The following POLRMT variants were observed in gnomAD, a reference collection of about 807,000 sequenced individuals.
The protein encoded by POLRMT is DNA-directed RNA polymerase, mitochondrial.
POLRMT carries 114 observed loss-of-function variants against 132.2 expected under a neutral mutation model. That is an observed-to-expected ratio of 0.86 (90% CI 0.74 to 1.01). The LOEUF is 1.01. Among genes scored for constraint, POLRMT ranks in the 50% least tolerant of loss-of-function variants. The pLI is 0.00. For synonymous variants in POLRMT, 1,020 were observed against 773.4 expected (o/e 1.32, Z -5.29); for missense variants, 2,003 against 1,729.1 (o/e 1.16, Z -2.81).
chr19:622,867 A>C lies in POLRMT; in HGVS notation c.1409T>G (p.Phe470Cys). ...CTCGCGCTCGTCCAGCAGGCACAGG[A>C]AGGGGTAAAGTGAGAACCGGCCCTC... The part of the protein sequence containing the change: ...VYEGRFSLYP[F>C]LCLLDEREVV... The change falls in exon 7 of 21, where the codon TTC (phenylalanine) becomes TGC (cysteine). Residue 470 changes from phenylalanine (F) to cysteine (C), a missense_variant. Transcript: ENST00000588649. 6.2e-7 allele frequency: 1 copy of C among 1,608,964 alleles called. No individual in the cohort carries two copies. Among genetic ancestry groups the C allele is most frequent in the Non-Finnish European group, 8.5e-7 (1 of 1,178,410 alleles).
chr19:621,919 TGA>T, intron 9 of POLRMT, 73 bp from the exon 10 acceptor site: 2 of 1,524,274 alleles, frequency 1.3e-6, no homozygotes, highest in Non-Finnish European at 8.8e-7. Context: ...TAAACTTGGG[TGA>T]GAGGGGCCGG....
intron 3 of POLRMT, among the ~76,000 whole-genome samples, chr19:627,964 C>T (rs1985144168): frequency 6.6e-6 from 1 of 150,994 alleles, no homozygotes; most frequent in Non-Finnish European, 1.5e-5. Flanking sequence ...AATGCCTTAG[C>T]CTGGCTAACA....
At chr19:620,327 C>T (rs1175099170) in intron 11 of POLRMT, 38 bp downstream of exon 11, 1 of 1,527,140 alleles carries the variant, frequency 6.5e-7, no homozygotes, top group Non-Finnish European at 8.8e-7. Flanking sequence ...GCCCAGTGCA[C>T]ACTGCACGGC....
chr19:625,726 G>A (rs910462671), intron 3 of POLRMT, among the ~76,000 whole-genome samples: 7 of 152,180 alleles, frequency 4.6e-5, no homozygotes, highest in African/African-American at 1.4e-4. Context: ...CCCCAAGATG[G>A]AGTCTTGCTC....
chr19:633,318 C>A, intron 1 of POLRMT, 107 bp downstream of exon 1: 3 of 1,299,238 alleles, frequency 2.3e-6, no homozygotes, highest in East Asian at 3.1e-5. Flanking sequence ...GGGCTGCGCA[C>A]GCCCAGGTGC....
At chr19:631,334 A>G (rs1433685647) in intron 2 of POLRMT, among the ~76,000 whole-genome samples, 1 of 129,256 alleles carries the variant, frequency 7.7e-6, no homozygotes, top group Non-Finnish European at 1.6e-5. Flanking sequence ...TCTCAAAAAA[A>G]AAAAGGGGGG....
chr19:618,635 C>T lies in POLRMT; in HGVS notation c.3324-49G>A, dbSNP rs781621050. ...GGGGGCGGCCCAGGGACACCCCTAA[C>T]TGGCCGCTGTCTCCACCGTGGCTGC... On this transcript the variant is annotated intron_variant, in intron 16 of 20. Transcript: ENST00000588649. The T allele has an allele frequency of 5.6e-6, 9 of 1,600,000 alleles. No homozygotes were observed. In the East Asian group the frequency reaches 2.0e-4, roughly 36 times the overall value.
intron 2 of POLRMT, among the ~76,000 whole-genome samples, chr19:632,533 G>A (rs911086863): frequency 1.1e-3 from 137 of 120,052 alleles, no homozygotes; most frequent in African/African-American, 4.9e-3. Flanking sequence ...TTGGCGGCGG[G>A]GCCGGGGGGG....
At position 622,560 on chromosome 19, in the gene POLRMT, GGA is replaced by G. The variant is rs757739565; in HGVS notation, c.1626+20_1626+21del. On this transcript the variant is annotated intron_variant, in intron 8 of 20. Transcript: ENST00000588649. ...CACCCACCACTGGCCCCAGCCAGGAGGAGAGGGGGTGCGAGCCTCACCTCGGC... is the reference window on the plus strand; with the variant it reads ...CACCCACCACTGGCCCCAGCCAGGAGGAGGGGGTGCGAGCCTCACCTCGGC... 3.2e-6 allele frequency: 5 copies of G among 1,582,990 alleles called. No homozygotes were observed. In the South Asian group the frequency reaches 3.4e-5, roughly 11 times the overall value.
At position 622,817 on chromosome 19, in the gene POLRMT, G is replaced by A. The variant is rs779225806; in HGVS notation, c.1455+4C>T. 1.9e-6 allele frequency: 3 copies of A among 1,587,814 alleles called. No homozygotes were observed. The highest frequency in any genetic ancestry group is 8.6e-7 in the Non-Finnish European group (1 of 1,168,236). On this transcript the variant is annotated splice_donor_region_variant and intron_variant, in intron 7 of 20. Transcript: ENST00000588649. ...GGGACCCGGCCGCGCGGAGGAAGAC[G>A]CACCTGCAGGAGCATCCGCACCACC...
At chr19:618,064 C>G in intron 17 of POLRMT, 1 of 590,828 alleles carries the variant, frequency 1.7e-6, no homozygotes, top group East Asian at 2.8e-5. Context: ...CTCCTCGCCC[C>G]ACCCCTGCCG....
chr19:633,030 G>A (rs764529161), intron 1 of POLRMT, 92 bp from the exon 2 acceptor site: 20 of 874,662 alleles, frequency 2.3e-5, no homozygotes, highest in Non-Finnish European at 3.1e-5. Flanking sequence ...GGGCAAAGGA[G>A]CCCTAAACGC....
chr19:620,545 G>A, intron 10 of POLRMT, 58 bp from the exon 11 acceptor site: 2 of 1,472,576 alleles, frequency 1.4e-6, no homozygotes, highest in South Asian at 1.4e-5. Flanking sequence ...GAGCCCGCTG[G>A]GAGGCTGTGT....
chr19:620,817 G>C (rs936680247), intron 10 of POLRMT, among the ~76,000 whole-genome samples: 1 of 122,138 alleles, frequency 8.2e-6, no homozygotes, highest in Non-Finnish European at 1.8e-5. Context: ...GGGGGCCCTG[G>C]GGCAGGGGAG....
In POLRMT at chr19:619,692, C is replaced by T. The variant is rs1289352818; in HGVS notation, c.2960G>A (p.Arg987His). The T allele has an allele frequency of 1.2e-5, 20 of 1,609,196 alleles. No individual in the cohort carries two copies. Among genetic ancestry groups the T allele is most frequent in the Non-Finnish European group, 1.4e-5 (17 of 1,178,682 alleles). Residue 987 changes from arginine to histidine, a missense_variant, in exon 13 of 21, where the codon CGC becomes CAC. By Grantham distance (29) the Arg-to-His change is conservative (BLOSUM62 0). Transcript: ENST00000588649. ...CATCACCGTCTGCTTCACCACCTTG[C>T]GGGTGATGAAACCTTCCAGCACCTG... ...VAQVLEGFIT[R>H]KVVKQTVMTV...
chr19:625,442 C>G, intron 3 of POLRMT, 188 bp from the exon 4 acceptor site: 1 of 699,118 alleles, frequency 1.4e-6, no homozygotes. Context: ...CCTGCAGAGG[C>G]AGCCGCATGG....
chr19:628,121 G>C (rs1985154187), intron 3 of POLRMT, among the ~76,000 whole-genome samples: 2 of 152,146 alleles, frequency 1.3e-5, no homozygotes, highest in African/African-American at 2.4e-5. Flanking sequence ...CGCTGGGAGA[G>C]GCAGGAGGGG....
At chr19:630,693 C>A (rs1985350178) in intron 2 of POLRMT, among the ~76,000 whole-genome samples, 1 of 152,200 alleles carries the variant, frequency 6.6e-6, no homozygotes, top group Admixed American at 6.5e-5. Context: ...ACCCCCCCAG[C>A]TGGTGGAGCT....
At chr19:619,136 C>T (rs574861680) in intron 14 of POLRMT, 26 bp from the exon 15 acceptor site, 6 of 1,610,572 alleles carry the variant, frequency 3.7e-6, no homozygotes, top group East Asian at 2.2e-5. Context: ...CGTCTCAGGG[C>T]AGGGGGCTCA....
Sources: allele counts gnomAD v4.1 joint callset (sites outside exome capture counted in the v4.1 genomes callset), GRCh38; gene constraint gnomAD v4.1.1; transcripts MANE v1.5; gene names NCBI Gene and HGNC (gene_info 2026-07-23, HGNC 2026-07-21).